The following B3GALT1 variants were observed in gnomAD, a reference collection of about 807,000 sequenced individuals.
B3GALT1 encodes the protein UDP-Gal:betaGlcNAc beta 1,3-galactosyltransferase, polypeptide 1.
Under a neutral mutation model 23.2 loss-of-function variants are expected in B3GALT1, and 10 were observed. That is an observed-to-expected ratio of 0.43 (90% CI 0.27 to 0.73). The LOEUF (loss-of-function observed/expected upper bound fraction) is 0.73, where lower values mean the gene tolerates loss of function less well. Among genes scored for constraint, B3GALT1 ranks in the 30% least tolerant of loss-of-function variants. The pLI is 0.21. For missense variants in B3GALT1, 299 were observed against 405.4 expected (o/e 0.74, Z 2.25); for synonymous variants, 156 against 141.5 (o/e 1.10, Z -0.73).
At chr2:167,683,842 A>G (rs925459979) in intron 3 of B3GALT1, among the ~76,000 whole-genome samples, 3 of 152,216 alleles carry the variant, frequency 2.0e-5, no homozygotes, top group African/African-American at 7.2e-5. Flanking sequence ...AACTTAGGAG[A>G]ATAAGCATAA....
intron 3 of B3GALT1, among the ~76,000 whole-genome samples, chr2:167,727,966 C>T (rs1485411565): frequency 2.0e-5 from 3 of 152,216 alleles, no homozygotes; most frequent in African/African-American, 7.2e-5. Flanking sequence ...ATCAGTCACA[C>T]TAGCTTCTTC....
chr2:167,815,379 A>ATAAG (rs1212739999), intron 3 of B3GALT1: 1 of 152,212 alleles, frequency 6.6e-6, no homozygotes, highest in Non-Finnish European at 1.5e-5. Flanking sequence ...ATTTACCTTG[A>ATAAG]TAAGTTAATA....
intron 1 of B3GALT1, among the ~76,000 whole-genome samples, chr2:167,312,316 A>T (rs1206496023): frequency 1.3e-5 from 2 of 152,046 alleles, no homozygotes; most frequent in Non-Finnish European, 2.9e-5. Context: ...AGAATAAAAA[A>T]CAAAAATAAT....
intron 2 of B3GALT1, among the ~76,000 whole-genome samples, chr2:167,556,873 A>G (rs2105384799): frequency 6.6e-6 from 1 of 152,306 alleles, no homozygotes; most frequent in African/African-American, 2.4e-5. Flanking sequence ...TGGAATATTT[A>G]TTTCTCACAA....
intron 1 of B3GALT1, among the ~76,000 whole-genome samples, chr2:167,486,947 AAAAT>A (rs1411378000): frequency 2.0e-5 from 3 of 152,340 alleles, no homozygotes; most frequent in African/African-American, 7.2e-5. Flanking sequence ...TGTAGAATAA[AAAAT>A]AAAACATGAG....
chr2:167,832,602 C>T (rs767355493), intron 4 of B3GALT1, among the ~76,000 whole-genome samples: 3 of 152,176 alleles, frequency 2.0e-5, no homozygotes, highest in Non-Finnish European at 4.4e-5. Context: ...AAAGCAAAGG[C>T]ATTTGCATAA....
At chr2:167,600,730 T>G (rs1226142252) in intron 2 of B3GALT1, among the ~76,000 whole-genome samples, 1 of 152,244 alleles carries the variant, frequency 6.6e-6, no homozygotes, top group Non-Finnish European at 1.5e-5. Context: ...TGCCTTTTCA[T>G]GGCTGAAAAC....
intron 3 of B3GALT1, among the ~76,000 whole-genome samples, chr2:167,656,067 G>C (rs2105468300): frequency 6.6e-6 from 1 of 152,254 alleles, no homozygotes; most frequent in East Asian, 1.9e-4. Context: ...TATCAGTCTA[G>C]TGGACTGAGA....
chr2:167,560,307 A>C (rs769455022), intron 2 of B3GALT1, among the ~76,000 whole-genome samples: 7 of 152,222 alleles, frequency 4.6e-5, no homozygotes, highest in Non-Finnish European at 7.3e-5. Flanking sequence ...TAAAGGAAGC[A>C]CTAAACATGG....
At chr2:167,865,975 C>T (rs923988127) in intron 4 of B3GALT1, among the ~76,000 whole-genome samples, 3 of 152,026 alleles carry the variant, frequency 2.0e-5, no homozygotes, top group African/African-American at 7.3e-5. Context: ...CCACCCTCCC[C>T]CATCCTCCTC....
chr2:167,594,116 A>C (rs889131458), intron 2 of B3GALT1, among the ~76,000 whole-genome samples: 4 of 152,200 alleles, frequency 2.6e-5, no homozygotes, highest in African/African-American at 9.7e-5. Context: ...ACATGACAAG[A>C]GGATTGGAAG....
At chr2:167,849,495 CAA>C (rs1487547421) in intron 4 of B3GALT1, among the ~76,000 whole-genome samples, 1 of 152,122 alleles carries the variant, frequency 6.6e-6, no homozygotes, top group African/African-American at 2.4e-5. Context: ...ACACCCTTTT[CAA>C]CAAATGGTGC....
intron 1 of B3GALT1, among the ~76,000 whole-genome samples, chr2:167,438,304 G>A (rs1698818410): frequency 6.6e-6 from 1 of 152,168 alleles, no homozygotes; most frequent in South Asian, 2.1e-4. Flanking sequence ...GTTTCTCTGG[G>A]AGCTCAAGTG....
At chr2:167,715,711 C>T in intron 3 of B3GALT1, 1 of 1,613,264 alleles carries the variant, frequency 6.2e-7, no homozygotes, top group Non-Finnish European at 8.5e-7. Flanking sequence ...CTGCCGCCTT[C>T]TCAAAGCTGG....
chr2:167,397,826 A>G (rs1246486808), intron 1 of B3GALT1, among the ~76,000 whole-genome samples: 1 of 152,132 alleles, frequency 6.6e-6, no homozygotes, highest in Non-Finnish European at 1.5e-5. Context: ...CAACAGAACT[A>G]TGAACAGAAT....
chr2:167,846,878 A>G (rs112059790), intron 4 of B3GALT1, among the ~76,000 whole-genome samples: 3 of 152,336 alleles, frequency 2.0e-5, no homozygotes, highest in African/African-American at 7.2e-5. Context: ...CACGTAGCCC[A>G]TAAGGACTCA....
intron 4 of B3GALT1, among the ~76,000 whole-genome samples, chr2:167,849,630 G>A (rs1689829657): frequency 6.6e-6 from 1 of 152,150 alleles, no homozygotes; most frequent in Admixed American, 6.5e-5. Flanking sequence ...GCTCAAGCCT[G>A]TAATCCCAGC....
intron 3 of B3GALT1, among the ~76,000 whole-genome samples, chr2:167,708,823 C>T (rs1209581693): frequency 2.0e-5 from 3 of 152,142 alleles, no homozygotes; most frequent in Non-Finnish European, 4.4e-5. Flanking sequence ...TCACCAGTGT[C>T]TGCAAGAGGA....
At position 167,869,604 on chromosome 2, in the gene B3GALT1, T is replaced by C; in HGVS notation, c.565T>C (p.Tyr189His). The C allele has an allele frequency of 6.2e-7, 1 of 1,614,204 alleles. No homozygotes were observed. Among genetic ancestry groups the C allele is most frequent in the Non-Finnish European group, 8.5e-7 (1 of 1,180,026 alleles). The change falls in exon 5 of 5, where the codon TAT (tyrosine) becomes CAT (histidine). Residue 189 changes from tyrosine to histidine, a missense_variant. By Grantham distance (83) the Tyr-to-His change is moderately conservative. This residue lies in a region of B3GALT1 where 133 missense variants were observed against 204.8 expected (regional missense o/e 0.65). Transcript: ENST00000392690. The surrounding 1 kb of genome is among the most constrained non-coding windows in gnomAD (Gnocchi z 6.4). ...DIFVNMDNLI[Y>H]KLLKPSTKPR... Reference sequence around the variant, plus strand: ...TTTTGTAAACATGGACAATCTTATTTATAAATTACTGAAACCCTCCACCAA... The same window carrying C: ...TTTTGTAAACATGGACAATCTTATTCATAAATTACTGAAACCCTCCACCAA...
Sources: gnomAD v4.1 joint callset for allele counts (sites outside exome capture counted in the v4.1 genomes callset) on GRCh38, gnomAD v4.1.1 for gene constraint, gnomAD v4.1.1 regional missense constraint, Gnocchi (gnomAD v3.1) non-coding constraint, MANE v1.5 for transcripts, NCBI Gene and HGNC (gene_info 2026-07-23, HGNC 2026-07-21) for gene names.